The following OSBPL3 variants were observed in gnomAD, a reference collection of about 807,000 sequenced individuals.
OSBPL3 encodes the protein oxysterol-binding protein-related protein 3.
Under a neutral mutation model 120.1 loss-of-function variants are expected in OSBPL3, and 65 were observed. The observed-to-expected ratio is 0.54, with a 90% CI of 0.44 to 0.67. The LOEUF is 0.67. Among genes scored for constraint, OSBPL3 ranks in the 30% least tolerant of loss-of-function variants. The pLI, the probability that OSBPL3 is intolerant of heterozygous loss-of-function variation, is 0.00. For missense variants in OSBPL3, 1,004 were observed against 1,082.1 expected (o/e 0.93, Z 1.01); for synonymous variants, 416 against 402.6 (o/e 1.03, Z -0.40).
At chr7:24,823,482 A>G (rs888613907) in intron 16 of OSBPL3, among the ~76,000 whole-genome samples, 44 of 152,290 alleles carry the variant, frequency 2.9e-4, no homozygotes, top group Admixed American at 1.0e-3. Context: ...AGCTTCCCCA[A>G]TGCCACAACA....
chr7:24,811,165 C>T (rs977798327), intron 19 of OSBPL3, among the ~76,000 whole-genome samples: 4 of 152,222 alleles, frequency 2.6e-5, no homozygotes, highest in Admixed American at 1.3e-4. Flanking sequence ...TTCCTCTTCT[C>T]CATATCCTCC....
chr7:24,820,162 AT>A lies in OSBPL3; in HGVS notation c.1948+12del, dbSNP rs1181137594. ...ACACAATATGATGGAAGTAAAATGT[AT>A]TAGCACATTACCTTGCCAGAAAACA... On this transcript the variant is annotated intron_variant, in intron 17 of 22. Transcript: ENST00000313367. The surrounding 1 kb of genome is among the most constrained non-coding windows in gnomAD (Gnocchi z 4.6). 1.2e-5 allele frequency: 18 copies of A among 1,556,986 alleles called. No individual in the cohort carries two copies. Among genetic ancestry groups the A allele is most frequent in the Non-Finnish European group, 1.5e-5 (17 of 1,129,496 alleles).
chr7:24,851,748 G>C lies in OSBPL3; in HGVS notation c.1158+756C>G, dbSNP rs1479661033. On this transcript the variant is annotated intron_variant, in intron 11 of 22. Coordinates refer to ENST00000313367, the MANE Select transcript of OSBPL3 (RefSeq NM_015550.4). The surrounding 1 kb of genome is among the most constrained non-coding windows in gnomAD (Gnocchi z 4.1). ...AGATTCAGGGTAAAAAAAAAAAAAC[G>C]AGATAACTTTATTCAAATAGAGGTA... Among the ~76,000 whole-genome samples, 4 of 149,156 alleles carry C rather than the reference G, an allele frequency of 2.7e-5. No homozygotes were observed. Among genetic ancestry groups the C allele is most frequent in the Non-Finnish European group, 6.0e-5 (4 of 67,132 alleles).
At position 24,802,979 on chromosome 7, in the gene OSBPL3, A is replaced by T. The variant is rs768421893; in HGVS notation, c.2567+1336T>A. 6.6e-6 allele frequency among the ~76,000 whole-genome samples: 1 copy of T among 152,214 alleles called. No individual in the cohort carries two copies. Among genetic ancestry groups the T allele is most frequent in the Non-Finnish European group, 1.5e-5 (1 of 68,038 alleles). On this transcript the variant is annotated intron_variant, in intron 22 of 22. Transcript: ENST00000313367. This position sits in a 1 kb window ranked among gnomAD's most constrained non-coding sequence, Gnocchi z 4.1. ...TTGGCCAGTTGATTTTCCATCACTA[A>T]TATCTTGAATTTGTGGAAATGATCA...
rs558783025 is a variant in OSBPL3 at position 24,870,679 on chromosome 7, T to C, written c.381+53A>G. ...AAGGCATTACCAATAGTATAATAAC[T>C]GATGATACTTCCCCAACATAAGTGA... On this transcript the variant is annotated intron_variant, in intron 5 of 22. Coordinates refer to ENST00000313367, the MANE Select transcript of OSBPL3 (RefSeq NM_015550.4). The C allele has an allele frequency of 1.1e-5, 12 of 1,102,138 alleles. No individual in the cohort carries two copies. In the African/African-American group the frequency reaches 1.2e-4, roughly 11 times the overall value. The allele number at this position is 1,102,138 out of a possible 1,614,324, so 68.3% of individuals were successfully genotyped here.
Position 24,863,424 on chromosome 7 carries a change from TAGTG to T in OSBPL3, c.777+68_777+71del. ...GCAACTGACCACAGCATCCCACTGT[TAGTG>T]AAAGGCTGGGAGGAGAAAGGAAAGC... On this transcript the variant is annotated intron_variant, in intron 8 of 22. Transcript: ENST00000313367. The surrounding 1 kb of genome is among the most constrained non-coding windows in gnomAD (Gnocchi z 5.8). 1 of 1,398,254 alleles carries T rather than the reference TAGTG, an allele frequency of 7.2e-7. No homozygotes were observed. The highest frequency in any genetic ancestry group is 1.7e-5 in the Admixed American group (1 of 59,712). The allele number at this position is 1,398,254 out of a possible 1,614,324, so 86.6% of individuals were successfully genotyped here. A position where few individuals can be genotyped will look rare whatever the true frequency, so the allele number is the denominator to read the frequency against.
Position 24,805,496 on chromosome 7 carries a change from C to T in OSBPL3, c.2445-1059G>A, listed in dbSNP as rs191277911. On this transcript the variant is annotated intron_variant, in intron 21 of 22. Transcript: ENST00000313367. This position sits in a 1 kb window ranked among gnomAD's most constrained non-coding sequence, Gnocchi z 4.0. ...CTTGCCATTCTTTAAACACCACATACGTTATTAATATATACTGTATATTTC... is the reference window on the plus strand; with the variant it reads ...CTTGCCATTCTTTAAACACCACATATGTTATTAATATATACTGTATATTTC... Among the ~76,000 whole-genome samples the T allele has an allele frequency of 4.6e-4, 70 of 152,160 alleles. No individual in the cohort carries two copies. Among genetic ancestry groups the T allele is most frequent in the Non-Finnish European group, 9.0e-4 (61 of 68,020 alleles).
At chr7:24,945,596 G>A (rs1486873263) in intron 1 of OSBPL3, among the ~76,000 whole-genome samples, 2 of 152,234 alleles carry the variant, frequency 1.3e-5, no homozygotes, top group Admixed American at 6.5e-5. Context: ...CATGTTGAAA[G>A]TGGCACACTC....
At chr7:24,812,334 C>G (rs1053742396) in intron 19 of OSBPL3, among the ~76,000 whole-genome samples, 1 of 145,232 alleles carries the variant, frequency 6.9e-6, no homozygotes, top group Admixed American at 6.9e-5. Context: ...AGAACAAGAA[C>G]AAGAAAAGAA....
chr7:24,834,330 G>A lies in OSBPL3; in HGVS notation c.1746+156C>T, dbSNP rs575331855. On this transcript the variant is annotated intron_variant, in intron 15 of 22. Transcript: ENST00000313367. The surrounding 1 kb of genome is among the most constrained non-coding windows in gnomAD (Gnocchi z 5.2). ...ACAAGGTGACTGGAAACAGCCAGGC[G>A]GAGGAAGCCAGACAGCTCTGAGTAA... is the stretch of plus-strand genomic sequence containing the variant. The A allele has an allele frequency of 8.4e-5, 124 of 1,469,220 alleles. No homozygotes were observed. The East Asian group carries it at 2.1e-3, about 24-fold the overall frequency. The allele number at this position is 1,469,220 out of a possible 1,614,324, so 91.0% of individuals were successfully genotyped here. A position where few individuals can be genotyped will look rare whatever the true frequency, so the allele number is the denominator to read the frequency against.
Position 24,813,716 on chromosome 7 carries a change from C to G in OSBPL3, c.2172+1343G>C, listed in dbSNP as rs142428693. 1.3e-5 allele frequency among the ~76,000 whole-genome samples: 2 copies of G among 152,318 alleles called. No homozygotes were observed. Among genetic ancestry groups the G allele is most frequent in the African/African-American group, 4.8e-5 (2 of 41,570 alleles). ...ATGAAGTTCCACAATAAAACCTCAT[C>G]TCTCTGCTTATTATTTCGATCTTTG... is the stretch of plus-strand genomic sequence containing the variant. On this transcript the variant is annotated intron_variant, in intron 19 of 22. Transcript: ENST00000313367. The surrounding 1 kb of genome is among the most constrained non-coding windows in gnomAD (Gnocchi z 4.5).
intron 14 of OSBPL3, among the ~76,000 whole-genome samples, chr7:24,839,421 G>C (rs750096941): frequency 3.3e-5 from 5 of 152,174 alleles, no homozygotes; most frequent in African/African-American, 4.8e-5. Flanking sequence ...GTTCGAACTA[G>C]CATTATGAAA....
rs1270553842 is a variant in OSBPL3, at chr7:24,817,252, C to T, written c.1949-564G>A. On this transcript the variant is annotated intron_variant, in intron 17 of 22. Transcript: ENST00000313367. This position sits in a 1 kb window ranked among gnomAD's most constrained non-coding sequence, Gnocchi z 4.0. ...GAGAACAAAACCAGGTGCAGTGGCT[C>T]ATGCCTGTAATCCTAGCACTTTGGG... Among the ~76,000 whole-genome samples the T allele has an allele frequency of 6.6e-6, 1 of 152,196 alleles. No homozygotes were observed. The highest frequency in any genetic ancestry group is 1.5e-5 in the Non-Finnish European group (1 of 68,040).
At chr7:24,859,124 T>C (rs796424344) in intron 10 of OSBPL3, among the ~76,000 whole-genome samples, 1 of 152,140 alleles carries the variant, frequency 6.6e-6, no homozygotes, top group Non-Finnish European at 1.5e-5. Context: ...GCAATCTGTA[T>C]AAAGGATGAA....
intron 1 of OSBPL3, among the ~76,000 whole-genome samples, chr7:24,931,146 T>C (rs1269636106): frequency 2.6e-5 from 4 of 152,182 alleles, no homozygotes; most frequent in Middle Eastern, 3.2e-3. Flanking sequence ...AGGTATTCAT[T>C]GTGGGGCACA....
chr7:24,950,590 C>T (rs749437120), intron 1 of OSBPL3, among the ~76,000 whole-genome samples: 5 of 152,166 alleles, frequency 3.3e-5, no homozygotes, highest in Non-Finnish European at 7.4e-5. Flanking sequence ...GGCGCGGTGG[C>T]GGGTGCCTGT....
In OSBPL3 at chr7:24,815,061, T is replaced by A; in HGVS notation, c.2170A>T (p.Lys724Ter). Residue 724 changes from lysine (K) to a stop codon, truncating the protein, a stop_gained and splice_region_variant, in exon 19 of 23, where the codon AAG (lysine) becomes TAG (stop). Coordinates refer to ENST00000313367, the MANE Select transcript of OSBPL3 (RefSeq NM_015550.4). LOFTEE classifies it high-confidence loss of function. This position sits in a 1 kb window ranked among gnomAD's most constrained non-coding sequence, Gnocchi z 5.1. ...GCTCAGAGAGTCACTGGAGTTACCTTTATAAAATTCACTTTGCAGTAGCAG... is the reference window on the plus strand; with the variant it reads ...GCTCAGAGAGTCACTGGAGTTACCTATATAAAATTCACTTTGCAGTAGCAG... Reference protein sequence around the residue: ...DSCYCKVNFIKAKYWSTNAHE... With the variant: ...DSCYCKVNFI 1 of 1,614,110 alleles carries A rather than the reference T, an allele frequency of 6.2e-7. No homozygotes were observed. The highest frequency in any genetic ancestry group is 8.5e-7 in the Non-Finnish European group (1 of 1,179,946).
rs896674164 is a variant in OSBPL3, at chr7:24,818,380, A to G, written c.1949-1692T>C. On this transcript the variant is annotated intron_variant, in intron 17 of 22. Transcript: ENST00000313367. This position sits in a 1 kb window ranked among gnomAD's most constrained non-coding sequence, Gnocchi z 4.0. ...AAAAGATAGATGGCTGTTTAAAGCT[A>G]AAGTATTAACAATGTACTACATGGT... Among the ~76,000 whole-genome samples the G allele has an allele frequency of 1.3e-5, 2 of 152,228 alleles. No individual in the cohort carries two copies. Among genetic ancestry groups the G allele is most frequent in the South Asian group, 4.1e-4 (2 of 4,832 alleles).
At chr7:24,943,549 T>C (rs946683185) in intron 1 of OSBPL3, among the ~76,000 whole-genome samples, 1 of 152,230 alleles carries the variant, frequency 6.6e-6, no homozygotes. Flanking sequence ...AATAACAGCA[T>C]ACCTTTCTAA....
Sources: gnomAD v4.1 joint callset for allele counts (sites outside exome capture counted in the v4.1 genomes callset) on GRCh38, gnomAD v4.1.1 for gene constraint, Gnocchi (gnomAD v3.1) non-coding constraint, MANE v1.5 for transcripts, NCBI Gene and HGNC (gene_info 2026-07-23, HGNC 2026-07-21) for gene names.